Variants in DOCK3 observed in about 807,000 individuals in gnomAD.
The protein encoded by DOCK3 is dedicator of cytokinesis protein 3.
Under a neutral mutation model 265.6 loss-of-function variants are expected in DOCK3, and 60 were observed. The ratio of observed to expected loss-of-function variants is 0.23; its 90% CI spans 0.18 to 0.28. The LOEUF (loss-of-function observed/expected upper bound fraction) is 0.28. DOCK3 is among the 10% of genes least tolerant of loss of function. The pLI, the probability that DOCK3 is intolerant of heterozygous loss-of-function variation, is 1.00. For synonymous variants in DOCK3, 881 were observed against 938.0 expected (o/e 0.94, Z 1.11); for missense variants, 1,981 against 2,594.3 (o/e 0.76, Z 5.14).
chr3:50,685,481 T>G (rs1253591751), intron 1 of DOCK3: 1 of 152,648 alleles, frequency 6.6e-6, no homozygotes, highest in Non-Finnish European at 1.5e-5. Flanking sequence ...AAAAAGTGAT[T>G]ATGACGGTTA....
chr3:50,681,663 G>C lies in DOCK3; in HGVS notation c.37+6363G>C, dbSNP rs552542731. Among the ~76,000 whole-genome samples the C allele has an allele frequency of 5.9e-5, 9 of 152,012 alleles. No homozygotes were observed. In the South Asian group the frequency reaches 1.9e-3, roughly 32 times the overall value. On this transcript the variant is annotated intron_variant, in intron 1 of 52. Transcript: ENST00000266037. Reference sequence around the variant, plus strand: ...GTTGATTTGCTATATCACACCTTAGGGATACTCTAGTAAAGATAATTACTA... The same window carrying C: ...GTTGATTTGCTATATCACACCTTAGCGATACTCTAGTAAAGATAATTACTA...
At position 51,307,878 on chromosome 3, in the gene DOCK3, G is replaced by GTTTTTTTTT. The variant is rs1197872774; in HGVS notation, c.2923-2354_2923-2353insTTTTTTTTT. ...TGCAGCTGGGATGTTAAATTATATGGGTTTTTTTTTTTGTTTTTTTTTTCT... is the reference window on the plus strand; with the variant it reads ...TGCAGCTGGGATGTTAAATTATATGGTTTTTTTTTGTTTTTTTTTTTGTTTTTTTTTTCT... On this transcript the variant is annotated intron_variant, in intron 27 of 52. Transcript: ENST00000266037. Among the ~76,000 whole-genome samples, 3 of 42,020 alleles carry GTTTTTTTTT rather than the reference G, an allele frequency of 7.1e-5. 1 individual carries two copies. The highest frequency in any genetic ancestry group is 1.6e-4 in the Non-Finnish European group (3 of 18,234). The allele number at this position is 42,020 out of a possible 152,430, so 27.6% of individuals were successfully genotyped here.
At position 51,275,954 on chromosome 3, in the gene DOCK3, A is replaced by G. The variant is rs151089980; in HGVS notation, c.2676+748A>G. ...ATTACTTATAGAAAATTCAGAAACT[A>G]TAGAAAAGCATAAGGAAAGAAATGT... On this transcript the variant is annotated intron_variant, in intron 25 of 52. Transcript: ENST00000266037. 6.8e-3 allele frequency among the ~76,000 whole-genome samples: 1,029 copies of G among 152,326 alleles called. 9 individuals carry two copies. The highest frequency in any genetic ancestry group is 0.011 in the Non-Finnish European group (749 of 68,010).
intron 6 of DOCK3, among the ~76,000 whole-genome samples, chr3:51,067,835 G>A (rs2081660560): frequency 6.6e-6 from 1 of 152,074 alleles, no homozygotes; most frequent in Admixed American, 6.5e-5. Context: ...AGAAAAGATG[G>A]TATATTGTAA....
intron 5 of DOCK3, among the ~76,000 whole-genome samples, chr3:50,962,265 G>A (rs1358713788): frequency 1.3e-5 from 2 of 152,150 alleles, no homozygotes; most frequent in Admixed American, 6.5e-5. Context: ...AACAAAAGAT[G>A]TAAAGGTATA....
intron 3 of DOCK3, among the ~76,000 whole-genome samples, chr3:50,889,103 GTGTGTGTGTT>G (rs2048510539): frequency 6.7e-6 from 1 of 149,218 alleles, no homozygotes; most frequent in South Asian, 2.1e-4. Context: ...GTGTGTGTGT[GTGTGTGTGTT>G]TAAGACAGGT....
chr3:51,183,540 A>G (rs1399493488), intron 12 of DOCK3, among the ~76,000 whole-genome samples: 2 of 152,164 alleles, frequency 1.3e-5, no homozygotes, highest in East Asian at 1.9e-4. Context: ...TCTCCTCTAG[A>G]TTTCTAAAAT....
At chr3:50,780,006 T>C (rs1382906429) in intron 2 of DOCK3, among the ~76,000 whole-genome samples, 1 of 152,128 alleles carries the variant, frequency 6.6e-6, no homozygotes, top group East Asian at 1.9e-4. Flanking sequence ...TCTAATCTAG[T>C]TGGGTTACTG....
rs2110647789 is a variant in DOCK3 at position 51,381,449 on chromosome 3, G to A, written c.5983G>A (p.Glu1995Lys). The A allele has an allele frequency of 1.9e-6, 3 of 1,607,002 alleles. No individual in the cohort carries two copies. The highest frequency in any genetic ancestry group is 2.5e-6 in the Non-Finnish European group (3 of 1,177,330). ...GCACGATGAGGGGGTGCTGCTGCGT[G>A]AAGAGACTGAGAGGCCTCGAGGCCT... ...LEHDEGVLLR[E>K]ETERPRGLHR... The change falls in exon 53 of 53, where the codon GAA becomes AAA. Residue 1995 changes from glutamate (E) to lysine (K), a missense_variant. Coordinates refer to ENST00000266037, the MANE Select transcript of DOCK3 (RefSeq NM_004947.5). This position sits in a 1 kb window ranked among gnomAD's most constrained non-coding sequence, Gnocchi z 5.6.
chr3:51,322,971 CAA>C (rs796079863), intron 32 of DOCK3, among the ~76,000 whole-genome samples: 11 of 109,994 alleles, frequency 1.0e-4, no homozygotes, highest in Admixed American at 9.0e-5. Flanking sequence ...AAATGGAAAG[CAA>C]AAAAAAAAAA....
chr3:51,339,154 A>G (rs1200838488), intron 37 of DOCK3, 126 bp downstream of exon 37: 4 of 765,552 alleles, frequency 5.2e-6, no homozygotes, highest in Admixed American at 6.4e-5. Flanking sequence ...GGCTTGTGCT[A>G]TCCCCTCACC....
chr3:51,278,309 G>T, intron 26 of DOCK3: 2 of 985,382 alleles, frequency 2.0e-6, no homozygotes, highest in Non-Finnish European at 2.4e-6. Context: ...AACTGGGAAG[G>T]CTTCTCAGGA....
chr3:50,922,240 C>T (rs1242150962), intron 4 of DOCK3, among the ~76,000 whole-genome samples: 1 of 152,244 alleles, frequency 6.6e-6, no homozygotes, highest in Non-Finnish European at 1.5e-5. Flanking sequence ...TTCATCTACT[C>T]AAGCCTCAGC....
rs1263816408 is a variant in DOCK3, at chr3:51,013,490, C to G, written c.316-50958C>G. ...GGTATCACCAGTGGAGGCTGCAGAA[C>G]AGCAAATATTGCAGAATAGCAAATA... On this transcript the variant is annotated intron_variant, in intron 5 of 52. Transcript: ENST00000266037. Among the ~76,000 whole-genome samples the G allele has an allele frequency of 2.6e-5, 4 of 152,204 alleles. No individual in the cohort carries two copies. In the East Asian group the frequency reaches 7.7e-4, roughly 29 times the overall value.
chr3:51,157,260 A>C (rs887271897), intron 10 of DOCK3, among the ~76,000 whole-genome samples: 6 of 151,934 alleles, frequency 3.9e-5, no homozygotes, highest in African/African-American at 1.4e-4. Flanking sequence ...ACTACATATT[A>C]CTTTTTTTTT....
chr3:51,230,272 C>G (rs1293894884), intron 19 of DOCK3, among the ~76,000 whole-genome samples: 1 of 152,106 alleles, frequency 6.6e-6, no homozygotes, highest in Admixed American at 6.6e-5. Flanking sequence ...TTGTCCCTGT[C>G]CCTCCCCACT....
chr3:51,068,983 G>A (rs937458682), intron 6 of DOCK3, among the ~76,000 whole-genome samples: 1 of 152,064 alleles, frequency 6.6e-6, no homozygotes, highest in Non-Finnish European at 1.5e-5. Context: ...TGTTTCCTGA[G>A]ATTAGGAATT....
At chr3:50,822,263 G>A (rs2044483570) in intron 2 of DOCK3, among the ~76,000 whole-genome samples, 1 of 151,748 alleles carries the variant, frequency 6.6e-6, no homozygotes, top group African/African-American at 2.4e-5. Context: ...TTATTTTTTT[G>A]TGGCTATTGT....
chr3:50,676,841 A>C (rs370447973), intron 1 of DOCK3, among the ~76,000 whole-genome samples: 6 of 152,288 alleles, frequency 3.9e-5, no homozygotes, highest in African/African-American at 1.4e-4. Context: ...TTAATGTATA[A>C]ATTGGGGATA....
Sources: gnomAD v4.1 joint callset for allele counts (sites outside exome capture counted in the v4.1 genomes callset) on GRCh38, gnomAD v4.1.1 for gene constraint, Gnocchi (gnomAD v3.1) non-coding constraint, MANE v1.5 for transcripts, NCBI Gene and HGNC (gene_info 2026-07-23, HGNC 2026-07-21) for gene names.